PPIL2: variants seen among roughly 807,000 people sequenced by gnomAD.
PPIL2 encodes the protein peptidylprolyl isomerase like 2, also known as RING-type E3 ubiquitin-protein ligase PPIL2.
Under a neutral mutation model 75.2 loss-of-function variants are expected in PPIL2, and 50 were observed. The ratio of observed to expected loss-of-function variants is 0.66; its 90% CI spans 0.53 to 0.84. The LOEUF (loss-of-function observed/expected upper bound fraction) is 0.84. Among genes scored for constraint, PPIL2 ranks in the 40% least tolerant of loss-of-function variants. The pLI, the probability that PPIL2 is intolerant of heterozygous loss-of-function variation, is 0.00. For missense variants in PPIL2, 590 were observed against 685.0 expected (o/e 0.86, Z 1.55); for synonymous variants, 245 against 258.8 (o/e 0.95, Z 0.51).
At chr22:21,668,020 A>C (rs1301965984) in intron 1 of PPIL2, among the ~76,000 whole-genome samples, 2 of 151,838 alleles carry the variant, frequency 1.3e-5, no homozygotes, top group East Asian at 3.9e-4. Context: ...CGAGTGATCG[A>C]CCTACCTCTG....
chr22:21,696,921 G>A lies in PPIL2; in HGVS notation c.*1431G>A, dbSNP rs200801767. On this transcript the variant is annotated 3_prime_UTR_variant, in exon 20 of 20. Transcript: ENST00000398831. ...ACCACTAGAGGTATGTCTGCCCCTC[G>A]TCACCCTGCTGCACACCAATCTGTG... The A allele has an allele frequency of 3.1e-4, 489 of 1,590,092 alleles. 1 individual carries two copies. The African/African-American group carries it at 4.2e-3, about 14-fold the overall frequency.
intron 1 of PPIL2, among the ~76,000 whole-genome samples, chr22:21,668,191 AC>A (rs1212246395): frequency 3.3e-5 from 5 of 152,002 alleles, no homozygotes; most frequent in African/African-American, 9.7e-5. Context: ...CTAAGCAGAC[AC>A]CCTTGTGGCC....
chr22:21,686,423 C>G, intron 10 of PPIL2, 60 bp from the exon 11 acceptor site: 1 of 1,517,902 alleles, frequency 6.6e-7, no homozygotes. Context: ...GCAAGCGACA[C>G]GTCCCCACCC....
chr22:21,681,159 C>T, intron 6 of PPIL2, 140 bp from the exon 7 acceptor site: 1 of 681,030 alleles, frequency 1.5e-6, no homozygotes, highest in South Asian at 1.7e-5. Context: ...TGGTTCCCTG[C>T]TCTGGCAGCT....
chr22:21,676,840 G>A, intron 6 of PPIL2, among the ~76,000 whole-genome samples: 1 of 152,166 alleles, frequency 6.6e-6, no homozygotes, highest in East Asian at 1.9e-4. Context: ...AACCACCATC[G>A]TCATCATGGC....
At chr22:21,679,320 C>G (rs2067008504) in intron 6 of PPIL2, among the ~76,000 whole-genome samples, 1 of 151,840 alleles carries the variant, frequency 6.6e-6, no homozygotes, top group African/African-American at 2.4e-5. Context: ...AAAAAAACAG[C>G]TGGGCACCAT....
chr22:21,685,645 CTA>C, intron 10 of PPIL2: 1 of 452,252 alleles, frequency 2.2e-6, no homozygotes, highest in South Asian at 1.6e-5. Context: ...CAGGATCTTG[CTA>C]TGTTGTCTAA....
chr22:21,672,375 T>C lies in PPIL2; in HGVS notation c.237T>C (p.Asn79=), dbSNP rs375404338. The C allele has an allele frequency of 1.9e-5, 31 of 1,608,284 alleles. No homozygotes were observed. The highest frequency in any genetic ancestry group is 2.5e-5 in the Non-Finnish European group (29 of 1,174,854). ...WLKKYGTNPS[N]GEKLDGRSLI... is the part of the protein sequence containing the mutation. ...AGAAGTACGGGACCAACCCCAGCAA[T>C]GGAGAGGTAGGTGGCTGTGCAGGAG... The change falls in exon 5 of 20, where the codon AAT becomes AAC. Residue 79 remains asparagine (N), a synonymous_variant. Transcript: ENST00000398831.
At chr22:21,674,583 C>T (rs530122461) in intron 5 of PPIL2, among the ~76,000 whole-genome samples, 1 of 152,182 alleles carries the variant, frequency 6.6e-6, no homozygotes, top group African/African-American at 2.4e-5. Context: ...TGTCTGTAGT[C>T]CTAGCTACTC....
At position 21,696,641 on chromosome 22, in the gene PPIL2, G is replaced by T; in HGVS notation, c.*1151G>T. 1.3e-6 allele frequency: 2 copies of T among 1,513,900 alleles called. No homozygotes were observed. The highest frequency in any genetic ancestry group is 1.8e-6 in the Non-Finnish European group (2 of 1,135,322). 93.8% of individuals were successfully genotyped at this position (1,513,900 alleles called of 1,614,324 possible). On this transcript the variant is annotated 3_prime_UTR_variant, in exon 20 of 20. Transcript: ENST00000398831. ...CTGACACTTGCCTCTTGGGCTCCCT[G>T]TTGCCCTCAGGCCACCCCCCACTTC... is the stretch of plus-strand genomic sequence containing the variant.
chr22:21,692,380 T>C (rs541735369), intron 15 of PPIL2, among the ~76,000 whole-genome samples: 3 of 151,362 alleles, frequency 2.0e-5, no homozygotes, highest in Admixed American at 6.6e-5. Flanking sequence ...GGTCTCGATC[T>C]CCTGACCTTG....
intron 15 of PPIL2, among the ~76,000 whole-genome samples, chr22:21,690,784 TTTC>T (rs1272099948): frequency 6.6e-6 from 1 of 152,178 alleles, no homozygotes; most frequent in Non-Finnish European, 1.5e-5. Flanking sequence ...TCCCTTTCAA[TTTC>T]TTCTCAGCCA....
chr22:21,681,967 G>A (rs919358586), intron 7 of PPIL2, among the ~76,000 whole-genome samples: 1 of 152,208 alleles, frequency 6.6e-6, no homozygotes, highest in African/African-American at 2.4e-5. Context: ...GCTGCTCCAG[G>A]GGCCTTGGGA....
chr22:21,671,978 G>A (rs2066650981), intron 4 of PPIL2, among the ~76,000 whole-genome samples: 1 of 152,096 alleles, frequency 6.6e-6, no homozygotes, highest in African/African-American at 2.4e-5. Flanking sequence ...TTGAGCCCAG[G>A]GGTTGGAGGC....
At chr22:21,681,816 G>A (rs2067141692) in intron 7 of PPIL2, among the ~76,000 whole-genome samples, 3 of 152,254 alleles carry the variant, frequency 2.0e-5, no homozygotes, top group Admixed American at 1.3e-4. Context: ...GGGAGTGGGT[G>A]TAGGGAGAGG....
At chr22:21,692,925 CAAA>C (rs113931448) in intron 15 of PPIL2, among the ~76,000 whole-genome samples, 3 of 103,742 alleles carry the variant, frequency 2.9e-5, no homozygotes, top group Non-Finnish European at 2.1e-5. Context: ...GATTCCATCT[CAAA>C]AAAAAAAAAA....
intron 3 of PPIL2, 26 bp downstream of exon 3, chr22:21,670,637 C>A: frequency 6.3e-7 from 1 of 1,589,618 alleles, no homozygotes; most frequent in East Asian, 2.2e-5. Flanking sequence ...GTTTACCTTT[C>A]CCTTGTAATT....
At chr22:21,693,948 C>G (rs2067796510) in intron 16 of PPIL2, 76 bp downstream of exon 16, 3 of 1,447,634 alleles carry the variant, frequency 2.1e-6, no homozygotes, top group Non-Finnish European at 2.9e-6. Flanking sequence ...GGCCTCCTCA[C>G]TGCCTTTTTC....
intron 1 of PPIL2, among the ~76,000 whole-genome samples, chr22:21,668,186 C>T (rs1195497947): frequency 6.6e-6 from 1 of 152,082 alleles, no homozygotes; most frequent in Non-Finnish European, 1.5e-5. Flanking sequence ...ACTGGCTAAG[C>T]AGACACCCTT....
Sources: allele counts gnomAD v4.1 joint callset (sites outside exome capture counted in the v4.1 genomes callset), GRCh38; gene constraint gnomAD v4.1.1; transcripts MANE v1.5; gene names NCBI Gene and HGNC (gene_info 2026-07-23, HGNC 2026-07-21).